The following RBFOX1 variants were observed in gnomAD, a reference collection of about 807,000 sequenced individuals.
RBFOX1 encodes RNA binding protein fox-1 homolog 1.
A neutral mutation model predicts 57.7 loss-of-function variants in RBFOX1; 8 were observed. The observed-to-expected ratio is 0.14, with a 90% CI of 0.08 to 0.25. The LOEUF (loss-of-function observed/expected upper bound fraction) is 0.25. Ranked by LOEUF, RBFOX1 falls within the 10% of genes least tolerant of loss-of-function variation. RBFOX1 has a pLI of 1.00. For synonymous variants in RBFOX1, 326 were observed against 222.4 expected, an observed-to-expected ratio of 1.47 and a Z score of -4.15; for missense variants, 611 against 548.5, an observed-to-expected ratio of 1.11 and a Z score of -1.14.
At chr16:6,354,824 T>C (rs535709431) in intron 2 of RBFOX1, among the ~76,000 whole-genome samples, 1 of 152,314 alleles carries the variant, frequency 6.6e-6, no homozygotes, top group Admixed American at 6.5e-5. Flanking sequence ...AAGATGCTCA[T>C]TAACTACTGA....
chr16:5,991,152 G>A (rs1207008738), intron 4 of RBFOX1, among the ~76,000 whole-genome samples: 2 of 152,190 alleles, frequency 1.3e-5, no homozygotes, highest in Admixed American at 6.5e-5. Context: ...GGGGGTGACT[G>A]TAGGGTTACA....
intron 4 of RBFOX1, among the ~76,000 whole-genome samples, chr16:7,116,896 C>A (rs1327792811): frequency 6.6e-6 from 1 of 152,048 alleles, no homozygotes; most frequent in African/African-American, 2.4e-5. Flanking sequence ...AATAATGTGT[C>A]ATGTGTGCTA....
chr16:7,565,772 C>T (rs1237159007), intron 5 of RBFOX1, among the ~76,000 whole-genome samples: 1 of 152,082 alleles, frequency 6.6e-6, no homozygotes, highest in Non-Finnish European at 1.5e-5. Context: ...CTTCAAAGTA[C>T]ACTTTTTATT....
chr16:6,312,696 CCTTCCT>C, intron 1 of RBFOX1, among the ~76,000 whole-genome samples: 1 of 149,952 alleles, frequency 6.7e-6, no homozygotes, highest in Middle Eastern at 3.2e-3. Context: ...TTCCTTCCTT[CCTTCCT>C]TCCTTCCTTC....
intron 4 of RBFOX1, among the ~76,000 whole-genome samples, chr16:7,452,554 TCTTAC>T (rs1415744146): frequency 6.6e-6 from 1 of 152,174 alleles, no homozygotes; most frequent in Non-Finnish European, 1.5e-5. Context: ...AGATCCGGGG[TCTTAC>T]CTGTGGAAAG....
chr16:6,922,407 T>C (rs2074666050), intron 3 of RBFOX1, among the ~76,000 whole-genome samples: 1 of 152,232 alleles, frequency 6.6e-6, no homozygotes, highest in South Asian at 2.1e-4. Flanking sequence ...CAGTGGCTGC[T>C]GGTTTTTGCT....
intron 2 of RBFOX1, among the ~76,000 whole-genome samples, chr16:6,564,571 C>G (rs1800423600): frequency 6.6e-6 from 1 of 152,038 alleles, no homozygotes; most frequent in South Asian, 2.1e-4. Flanking sequence ...CGCATGATCT[C>G]ACTGATATAT....
At chr16:6,615,919 C>T (rs887540561) in intron 2 of RBFOX1, among the ~76,000 whole-genome samples, 1 of 152,182 alleles carries the variant, frequency 6.6e-6, no homozygotes, top group South Asian at 2.1e-4. Flanking sequence ...CTCATAACCT[C>T]CCTCGGTGCA....
chr16:6,623,195 T>A (rs1171864227), intron 2 of RBFOX1, among the ~76,000 whole-genome samples: 9 of 152,150 alleles, frequency 5.9e-5, no homozygotes, highest in African/African-American at 1.9e-4. Flanking sequence ...AAAACATGCA[T>A]GCAAATGAAT....
intron 1 of RBFOX1, among the ~76,000 whole-genome samples, chr16:5,373,572 G>C (rs190927360): frequency 1.3e-5 from 2 of 151,848 alleles, no homozygotes; most frequent in Non-Finnish European, 2.9e-5. Flanking sequence ...TTCCTGTACA[G>C]CCTGCAGAAC....
intron 3 of RBFOX1, among the ~76,000 whole-genome samples, chr16:5,708,774 C>G (rs2051345875): frequency 6.6e-6 from 1 of 152,140 alleles, no homozygotes; most frequent in African/African-American, 2.4e-5. Flanking sequence ...TGGGAGAGGG[C>G]CATTTTTCTC....
At chr16:6,436,998 T>C (rs2094254274) in intron 2 of RBFOX1, among the ~76,000 whole-genome samples, 1 of 152,200 alleles carries the variant, frequency 6.6e-6, no homozygotes, top group Non-Finnish European at 1.5e-5. Context: ...ACTTGCTATA[T>C]ATAGAGAGAA....
chr16:7,008,405 G>T (rs1184461051), intron 3 of RBFOX1, among the ~76,000 whole-genome samples: 1 of 151,890 alleles, frequency 6.6e-6, no homozygotes, highest in South Asian at 2.1e-4. Context: ...AGCCAGGCAT[G>T]GTGGCGCATC....
At chr16:6,875,545 G>A (rs12149902) in intron 3 of RBFOX1, among the ~76,000 whole-genome samples, 1 of 152,076 alleles carries the variant, frequency 6.6e-6, no homozygotes, top group Non-Finnish European at 1.5e-5. Context: ...TTATGTTTAT[G>A]TCTGAAGCAA....
chr16:7,229,591 G>GAGGA (rs367952346), intron 4 of RBFOX1, among the ~76,000 whole-genome samples: 4,165 of 129,500 alleles, frequency 0.032, 315 homozygotes, highest in African/African-American at 0.12. Flanking sequence ...AAGGGAGAGA[G>GAGGA]AGGAAGGAAG....
intron 3 of RBFOX1, among the ~76,000 whole-genome samples, chr16:5,865,770 C>T (rs1290728844): frequency 6.6e-6 from 1 of 152,174 alleles, no homozygotes; most frequent in African/African-American, 2.4e-5. Context: ...GAATATATTT[C>T]TCATACTCTG....
chr16:5,904,686 T>C (rs1371180996), intron 4 of RBFOX1, among the ~76,000 whole-genome samples: 1 of 152,046 alleles, frequency 6.6e-6, no homozygotes. Flanking sequence ...CTTGAAGAGA[T>C]AATCAGATGG....
At chr16:5,696,524 TC>T (rs1156600436) in intron 3 of RBFOX1, among the ~76,000 whole-genome samples, 1 of 152,222 alleles carries the variant, frequency 6.6e-6, no homozygotes, top group Admixed American at 6.5e-5. Flanking sequence ...AATTATGTGA[TC>T]CAAGGCTATG....
chr16:6,141,750 A>T (rs78003511), intron 1 of RBFOX1, among the ~76,000 whole-genome samples: 4,760 of 152,180 alleles, frequency 0.031, 269 homozygotes, highest in African/African-American at 0.11. Flanking sequence ...TAATTATTGT[A>T]TGCTGATCTA....
Sources: allele counts gnomAD v4.1 joint callset (sites outside exome capture counted in the v4.1 genomes callset), GRCh38; gene constraint gnomAD v4.1.1; transcripts MANE v1.5; gene names NCBI Gene and HGNC (gene_info 2026-07-23, HGNC 2026-07-21).